Variants in DCDC2 observed in about 807,000 individuals in gnomAD.
The protein encoded by DCDC2 is doublecortin domain-containing protein 2.
Under a neutral mutation model 50.2 loss-of-function variants are expected in DCDC2, and 40 were observed. The ratio of observed to expected loss-of-function variants is 0.80; its 90% CI spans 0.62 to 1.04. The LOEUF is 1.04. Among genes scored for constraint, DCDC2 ranks in the 50% least tolerant of loss-of-function variants. The pLI is 0.00. For synonymous variants in DCDC2, 234 were observed against 210.6 expected, an observed-to-expected ratio of 1.11 and a Z score of -0.96; for missense variants, 570 against 581.9, an observed-to-expected ratio of 0.98 and a Z score of 0.21.
chr6:24,256,052 A>G (rs1333730856), intron 7 of DCDC2, among the ~76,000 whole-genome samples: 1 of 152,224 alleles, frequency 6.6e-6, no homozygotes, highest in Non-Finnish European at 1.5e-5. Flanking sequence ...CCATGCTGCT[A>G]TATAAGAATA....
chr6:24,328,985 CA>C (rs753651101), intron 2 of DCDC2, among the ~76,000 whole-genome samples: 37 of 152,134 alleles, frequency 2.4e-4, no homozygotes, highest in South Asian at 4.1e-4. Flanking sequence ...CCAGTCTCCA[CA>C]GAGGAAATTA....
At chr6:24,290,881 C>G (rs1763727652) in intron 5 of DCDC2, 51 bp downstream of exon 5, 1 of 1,527,442 alleles carries the variant, frequency 6.5e-7, no homozygotes, top group East Asian at 2.3e-5. Flanking sequence ...AGACCCAATG[C>G]TATTTCAAGT....
rs1279831255 is a variant in DCDC2 at position 24,228,693 on chromosome 6, CACTGTGT to C, written c.923-23598_923-23592del. On this transcript the variant is annotated intron_variant, in intron 7 of 9. Transcript: ENST00000378454. Reference sequence around the variant, plus strand: ...TGCTAATGAAGAATCCTGAAAGCAGCACTGTGTACTAACTTCGAATATTTCCTACCTC... The same window carrying C: ...TGCTAATGAAGAATCCTGAAAGCAGCACTAACTTCGAATATTTCCTACCTC... Among the ~76,000 whole-genome samples, 32 of 152,314 alleles carry C rather than the reference CACTGTGT, an allele frequency of 2.1e-4. No individual in the cohort carries two copies. In the South Asian group the frequency reaches 3.3e-3, roughly 16 times the overall value.
rs527947994 is a variant in DCDC2 at position 24,300,712 on chromosome 6, C to T, written c.557+1003G>A. 2.6e-5 allele frequency among the ~76,000 whole-genome samples: 4 copies of T among 152,304 alleles called. No homozygotes were observed. The East Asian group carries it at 5.8e-4, about 22-fold the overall frequency. ...TATCACGTGTGTATGAAAACACAAACACTTGAAACAGTGTACTCTGCTAAA... is the reference window on the plus strand; with the variant it reads ...TATCACGTGTGTATGAAAACACAAATACTTGAAACAGTGTACTCTGCTAAA... On this transcript the variant is annotated intron_variant, in intron 4 of 9. Transcript: ENST00000378454.
At chr6:24,373,223 C>T in the DCDC2 span, among the ~76,000 whole-genome samples, 6 of 152,214 alleles carry the variant, frequency 3.9e-5, no homozygotes, top group African/African-American at 1.4e-4. Context: ...TCAATCCCAA[C>T]AATTCTTCTA....
chr6:24,300,936 A>G (rs947937187), intron 4 of DCDC2, among the ~76,000 whole-genome samples: 2 of 152,104 alleles, frequency 1.3e-5, no homozygotes, highest in African/African-American at 4.8e-5. Flanking sequence ...CATTTAGACA[A>G]CCCCACTAAA....
intron 2 of DCDC2, among the ~76,000 whole-genome samples, chr6:24,333,298 GGTGGCAA>G (rs1481416393): frequency 1.3e-5 from 2 of 152,044 alleles, no homozygotes; most frequent in African/African-American, 2.4e-5. Flanking sequence ...CTTGAAAGAC[GGTGGCAA>G]GGTCAGAGAA....
chr6:24,371,276 CAA>C, the DCDC2 span, among the ~76,000 whole-genome samples: 44,834 of 101,414 alleles, frequency 0.44, 8,955 homozygotes, highest in African/African-American at 0.57. Context: ...CACTCCATCT[CAA>C]AAAAAAAAAA....
intron 7 of DCDC2, among the ~76,000 whole-genome samples, chr6:24,210,019 GGTGTGTGTGTGT>G (rs71002475): frequency 4.8e-5 from 7 of 145,196 alleles, no homozygotes; most frequent in African/African-American, 1.1e-4. Context: ...GCAGTATCAG[GGTGTGTGTGTGT>G]GTGTGTGTGT....
chr6:24,198,066 T>G (rs1761485828), intron 8 of DCDC2, among the ~76,000 whole-genome samples: 2 of 152,142 alleles, frequency 1.3e-5, no homozygotes, highest in South Asian at 4.1e-4. Context: ...TCTACTGGCC[T>G]AAGAAAGAAA....
chr6:24,260,040 A>T (rs1185591394), intron 7 of DCDC2, among the ~76,000 whole-genome samples: 2 of 152,174 alleles, frequency 1.3e-5, no homozygotes, highest in African/African-American at 4.8e-5. Context: ...TTAGTTTTTT[A>T]AATTTTTATT....
At chr6:24,261,204 CTTT>C (rs10694761) in intron 7 of DCDC2, among the ~76,000 whole-genome samples, 3 of 135,744 alleles carry the variant, frequency 2.2e-5, no homozygotes, top group Non-Finnish European at 3.1e-5. Flanking sequence ...CATTTTCTTG[CTTT>C]TTTTTTTTTT....
chr6:24,220,136 A>AT (rs1762066322), intron 7 of DCDC2, among the ~76,000 whole-genome samples: 1 of 152,236 alleles, frequency 6.6e-6, no homozygotes, highest in South Asian at 2.1e-4. Context: ...GGTAGAATGT[A>AT]TACCTATCAA....
chr6:24,249,961 A>T (rs920846006), intron 7 of DCDC2, among the ~76,000 whole-genome samples: 2 of 152,220 alleles, frequency 1.3e-5, no homozygotes, highest in Non-Finnish European at 2.9e-5. Flanking sequence ...AATGGCTGCC[A>T]GGTAGCAATG....
At chr6:24,372,570 G>A in the DCDC2 span, among the ~76,000 whole-genome samples, 559 of 152,272 alleles carry the variant, frequency 3.7e-3, 1 homozygote, top group Non-Finnish European at 5.4e-3. Flanking sequence ...TATACACCAT[G>A]GAATACTGTG....
the DCDC2 span, among the ~76,000 whole-genome samples, chr6:24,379,940 A>G: frequency 6.6e-6 from 1 of 151,878 alleles, no homozygotes; most frequent in Non-Finnish European, 1.5e-5. Flanking sequence ...TATAACAAGG[A>G]CAAAAAACCA....
intron 2 of DCDC2, among the ~76,000 whole-genome samples, chr6:24,318,161 AT>A (rs1322034443): frequency 6.6e-6 from 1 of 151,518 alleles, no homozygotes; most frequent in East Asian, 1.9e-4. Flanking sequence ...TACTCTAAAT[AT>A]ATACCTCCAA....
At chr6:24,221,431 G>T (rs551950065) in intron 7 of DCDC2, among the ~76,000 whole-genome samples, 2 of 152,134 alleles carry the variant, frequency 1.3e-5, no homozygotes, top group East Asian at 3.9e-4. Flanking sequence ...AAGACACAAC[G>T]TGATGGCCAC....
intron 2 of DCDC2, among the ~76,000 whole-genome samples, chr6:24,317,315 A>C (rs1399506448): frequency 6.6e-6 from 1 of 152,110 alleles, no homozygotes; most frequent in East Asian, 1.9e-4. Context: ...TAGACTAGAA[A>C]GCCCAGAAAC....
Sources: allele counts gnomAD v4.1 joint callset (sites outside exome capture counted in the v4.1 genomes callset), GRCh38; gene constraint gnomAD v4.1.1; transcripts MANE v1.5; gene names NCBI Gene and HGNC (gene_info 2026-07-23, HGNC 2026-07-21).